Variants in GJB1 observed in about 807,000 individuals in gnomAD.
The protein encoded by GJB1 is gap junction beta-1 protein.
Under a neutral mutation model 12.0 loss-of-function variants are expected in GJB1, and 1 was observed. The observed-to-expected ratio is 0.08, with a 90% CI of 0.03 to 0.40. The LOEUF (loss-of-function observed/expected upper bound fraction) is 0.40. Among genes scored for constraint, GJB1 ranks in the 10% least tolerant of loss-of-function variants. The pLI is 0.98. For missense variants in GJB1, 140 were observed against 250.3 expected (o/e 0.56, Z 2.97); for synonymous variants, 114 against 102.8 (o/e 1.11, Z -0.66).
At chrX:71,220,141 C>CTTTTTTTTTTTT (rs1569213982), upstream of GJB1, among the ~76,000 whole-genome samples, 5 of 69,467 alleles carry the variant, frequency 7.2e-5, no homozygotes, top group African/African-American at 5.0e-4. Context: ...CTGTGCCTGG[C>CTTTTTTTTTTTT]CTTTTTTTTT....
Position 71,224,753 on chromosome X carries a change from T to TG in GJB1, c.*195dup. On this transcript the variant is annotated 3_prime_UTR_variant, in exon 2 of 2. Transcript: ENST00000361726. ...GGGGTGGGGAGCTAGAGGCCACCTA[T>TG]GCCAGTGCTCAAGGTTACTGGGAGT... is the stretch of plus-strand genomic sequence containing the variant. 2.1e-6 allele frequency: 1 copy of TG among 471,758 alleles called. No homozygotes were observed. Among genetic ancestry groups the TG allele is most frequent in the Non-Finnish European group, 3.8e-6 (1 of 263,487 alleles). The allele number at this position is 471,758 out of a possible 1,213,427, so 38.9% of individuals were successfully genotyped here. A position where few individuals can be genotyped will look rare whatever the true frequency, so the allele number is the denominator to read the frequency against.
upstream of GJB1, among the ~76,000 whole-genome samples, chrX:71,219,903 T>C (rs1424062219): frequency 1.0e-5 from 1 of 98,335 alleles, no homozygotes; most frequent in Non-Finnish European, 2.0e-5. Context: ...AGTGCAGTGG[T>C]GGGATCTCAG....
chrX:71,220,360 G>A (rs1188402186), upstream of GJB1, among the ~76,000 whole-genome samples: 1 of 95,739 alleles, frequency 1.0e-5, no homozygotes, highest in East Asian at 3.3e-4. Flanking sequence ...TAATAGAGAC[G>A]AGGGTCATGC....
Position 71,224,621 on chromosome X carries a change from C to T in GJB1, c.*62C>T. On this transcript the variant is annotated 3_prime_UTR_variant, in exon 2 of 2. Transcript: ENST00000361726. The stretch of plus-strand genomic sequence containing the variant: ...CCCTGCCCTGGGCGAGCCCCTCCTT[C>T]TCCCCTGCCGGTGCACAGGCCTCTG... 7.3e-6 allele frequency: 7 copies of T among 953,441 alleles called. No individual in the cohort carries two copies. The highest frequency in any genetic ancestry group is 1.0e-5 in the Non-Finnish European group (7 of 680,609). The allele number at this position is 953,441 out of a possible 1,213,427, so 78.6% of individuals were successfully genotyped here.
At chrX:71,222,090 A>C (rs1327051844), upstream of GJB1, among the ~76,000 whole-genome samples, 1 of 110,678 alleles carries the variant, frequency 9.0e-6, no homozygotes, top group East Asian at 2.8e-4. Context: ...TGCAGTGAGC[A>C]GTGATTGTGC....
upstream of GJB1, among the ~76,000 whole-genome samples, chrX:71,218,366 GT>G (rs2092529333): frequency 9.7e-6 from 1 of 103,473 alleles, no homozygotes; most frequent in Non-Finnish European, 2.0e-5. Flanking sequence ...AGACATAGCA[GT>G]TTTGAATCTC....
At chrX:71,220,475 G>T (rs2092535089), upstream of GJB1, among the ~76,000 whole-genome samples, 2 of 81,259 alleles carry the variant, frequency 2.5e-5, no homozygotes, top group Non-Finnish European at 2.3e-5. Flanking sequence ...CCTGGCCTAG[G>T]TTTTGTTTGT....
chrX:71,220,889 C>CTTTTTTTTTTTTTTTTTTTT (rs1491472340), upstream of GJB1, among the ~76,000 whole-genome samples: 3 of 52,743 alleles, frequency 5.7e-5, no homozygotes, highest in African/African-American at 1.0e-4. Flanking sequence ...TTGTTTCTTT[C>CTTTTTTTTTTTTTTTTTTTT]CTTTTTTTTT....
chrX:71,221,089 G>A (rs756991407), upstream of GJB1, among the ~76,000 whole-genome samples: 97 of 106,820 alleles, frequency 9.1e-4, no homozygotes, highest in African/African-American at 2.6e-3. Flanking sequence ...TAGAGACGAG[G>A]TTTCACCATG....
chrX:71,218,478 T>C (rs1425504320), upstream of GJB1, among the ~76,000 whole-genome samples: 1 of 97,311 alleles, frequency 1.0e-5, no homozygotes, highest in East Asian at 3.2e-4. Context: ...TGGGAAAGAG[T>C]ATGTGCTCTG....
At position 71,224,618 on chromosome X, in the gene GJB1, C is replaced by T; in HGVS notation, c.*59C>T. ...CGACCCTGCCCTGGGCGAGCCCCTCCTTCTCCCCTGCCGGTGCACAGGCCT... is the reference window on the plus strand; with the variant it reads ...CGACCCTGCCCTGGGCGAGCCCCTCTTTCTCCCCTGCCGGTGCACAGGCCT... On this transcript the variant is annotated 3_prime_UTR_variant, in exon 2 of 2. Transcript: ENST00000361726. 1.0e-6 allele frequency: 1 copy of T among 982,795 alleles called. No individual in the cohort carries two copies. The highest frequency in any genetic ancestry group is 1.4e-6 in the Non-Finnish European group (1 of 705,959). 81.0% of individuals were successfully genotyped at this position (982,795 alleles called of 1,213,427 possible). A position where few individuals can be genotyped will look rare whatever the true frequency, so the allele number is the denominator to read the frequency against.
At chrX:71,217,141 C>T (rs867475469) in intron 1 of GJB1, among the ~76,000 whole-genome samples, 26 of 66,300 alleles carry the variant, frequency 3.9e-4, no homozygotes, top group East Asian at 1.5e-3. Context: ...TGTGTGTGTG[C>T]GTGTGCCAGC....
upstream of GJB1, among the ~76,000 whole-genome samples, chrX:71,219,150 CTTATTATTATTA>C (rs34964191): frequency 1.3e-3 from 123 of 98,041 alleles, 1 homozygote; most frequent in African/African-American, 3.1e-3. Context: ...TTGAGGTGGT[CTTATTATTATTA>C]TTATTATTAT....
At chrX:71,220,880 T>C (rs1284051212), upstream of GJB1, among the ~76,000 whole-genome samples, 3 of 94,892 alleles carry the variant, frequency 3.2e-5, no homozygotes. Flanking sequence ...TTTCTTTCTT[T>C]GTTTCTTTCC....
intron 1 of GJB1, among the ~76,000 whole-genome samples, chrX:71,216,667 A>T (rs1365238075): frequency 9.0e-6 from 1 of 110,720 alleles, no homozygotes; most frequent in Non-Finnish European, 1.9e-5. Flanking sequence ...CTCTGAAAAG[A>T]CCGCAGCAGA....
At chrX:71,220,647 C>T (rs771136174), upstream of GJB1, among the ~76,000 whole-genome samples, 28 of 108,269 alleles carry the variant, frequency 2.6e-4, no homozygotes, top group South Asian at 6.0e-3. Context: ...GCTGGGATTA[C>T]GGGTGCCCGC....
At chrX:71,215,483 C>T (rs1164097697) in intron 1 of GJB1, among the ~76,000 whole-genome samples, 1 of 112,184 alleles carries the variant, frequency 8.9e-6, no homozygotes, top group East Asian at 2.8e-4. Context: ...CTCTCTGCAG[C>T]CTCTTTCCAG....
At chrX:71,217,397 A>G (rs2147940094) in intron 1 of GJB1, among the ~76,000 whole-genome samples, 1 of 111,981 alleles carries the variant, frequency 8.9e-6, no homozygotes, top group South Asian at 3.7e-4. Context: ...TGCTGTAAGG[A>G]CTAAGTGAGA....
upstream of GJB1, among the ~76,000 whole-genome samples, chrX:71,220,148 T>TTTTTTTTTTTTTTTTTTTG (rs2092534166): frequency 1.1e-5 from 1 of 87,258 alleles, no homozygotes; most frequent in Non-Finnish European, 2.2e-5. Flanking sequence ...TGGCCTTTTT[T>TTTTTTTTTTTTTTTTTTTG]TTTTTTTTTT....
Sources: allele counts gnomAD v4.1 joint callset (sites outside exome capture counted in the v4.1 genomes callset), GRCh38; gene constraint gnomAD v4.1.1; transcripts MANE v1.5; gene names NCBI Gene and HGNC (gene_info 2026-07-23, HGNC 2026-07-21).